The following RANBP17 variants were observed in gnomAD, a reference collection of about 807,000 sequenced individuals.
The protein encoded by RANBP17 is RAN binding protein 17.
RANBP17 carries 158 observed loss-of-function variants against 141.2 expected under a neutral mutation model. The observed-to-expected ratio is 1.12, with a 90% confidence interval of 0.98 to 1.28. The LOEUF is 1.28. RANBP17 is among the 50% of genes most tolerant of loss of function. The pLI, the probability that RANBP17 is intolerant of heterozygous loss-of-function variation, is 0.00. For missense variants in RANBP17, 1,438 were observed against 1,290.7 expected, an observed-to-expected ratio of 1.11 and a Z score of -1.75; for synonymous variants, 430 against 450.0, an observed-to-expected ratio of 0.96 and a Z score of 0.56.
Position 171,265,822 on chromosome 5 carries a change from A to G in RANBP17, c.2918A>G (p.Gln973Arg). ...QAGQRLLHFM[Q>R]QNPDVLQQMM... The stretch of plus-strand genomic sequence containing the variant: ...GGTCAGAGACTATTACATTTTATGC[A>G]GCAAAACCCAGATGTCCTGCAGCAG... Residue 973 changes from glutamine to arginine, a missense_variant, in exon 25 of 28, where the codon CAG becomes CGG. Coordinates refer to ENST00000523189, the MANE Select transcript of RANBP17 (RefSeq NM_022897.5). 1 of 1,613,654 alleles carries G rather than the reference A, an allele frequency of 6.2e-7. No homozygotes were observed. The highest frequency in any genetic ancestry group is 8.5e-7 in the Non-Finnish European group (1 of 1,179,832).
intron 14 of RANBP17, among the ~76,000 whole-genome samples, chr5:171,049,610 A>G (rs1782823563): frequency 6.6e-6 from 1 of 152,182 alleles, no homozygotes; most frequent in Admixed American, 6.5e-5. Flanking sequence ...TAGGTTTTAC[A>G]TTTAAGCTTT....
intron 1 of RANBP17, among the ~76,000 whole-genome samples, chr5:170,872,159 TG>T (rs1458476319): frequency 6.6e-6 from 1 of 152,240 alleles, no homozygotes. Context: ...GAGGATGGAA[TG>T]TTTTTCCATT....
chr5:171,031,440 C>G (rs906512350), intron 14 of RANBP17, among the ~76,000 whole-genome samples: 5 of 152,116 alleles, frequency 3.3e-5, no homozygotes, highest in East Asian at 3.9e-4. Context: ...CCACCACAAG[C>G]TTTACCTGTT....
intron 24 of RANBP17, among the ~76,000 whole-genome samples, chr5:171,251,034 C>T (rs542243111): frequency 2.6e-5 from 4 of 152,258 alleles, no homozygotes; most frequent in Admixed American, 2.0e-4. Flanking sequence ...TTCTTTTCAT[C>T]GGAACATGGA....
At chr5:171,100,928 C>T (rs2127742849) in intron 14 of RANBP17, among the ~76,000 whole-genome samples, 1 of 152,262 alleles carries the variant, frequency 6.6e-6, no homozygotes, top group East Asian at 1.9e-4. Flanking sequence ...GTTTCTTAAT[C>T]CTGAGTTTTA....
chr5:171,099,084 A>C (rs1786924154), intron 14 of RANBP17, among the ~76,000 whole-genome samples: 1 of 151,974 alleles, frequency 6.6e-6, no homozygotes, highest in Non-Finnish European at 1.5e-5. Context: ...TAGGATTGTC[A>C]TGGCTATACG....
chr5:171,173,705 C>T (rs552877191), intron 16 of RANBP17, among the ~76,000 whole-genome samples: 26 of 152,196 alleles, frequency 1.7e-4, no homozygotes, highest in African/African-American at 6.3e-4. Context: ...TAGTGAGCAT[C>T]GGAATGTGAG....
At chr5:171,132,505 T>C (rs1396921808) in intron 14 of RANBP17, among the ~76,000 whole-genome samples, 1 of 151,880 alleles carries the variant, frequency 6.6e-6, no homozygotes, top group Non-Finnish European at 1.5e-5. Flanking sequence ...GGAGGATCAC[T>C]CAAGCCCAGG....
At chr5:171,173,301 A>G (rs1473605588) in intron 16 of RANBP17, among the ~76,000 whole-genome samples, 1 of 152,026 alleles carries the variant, frequency 6.6e-6, no homozygotes, top group African/African-American at 2.4e-5. Flanking sequence ...CATTATTTCT[A>G]TATTAGGAAT....
At chr5:171,087,357 A>G (rs1364268423) in intron 14 of RANBP17, among the ~76,000 whole-genome samples, 1 of 151,952 alleles carries the variant, frequency 6.6e-6, no homozygotes, top group African/African-American at 2.4e-5. Flanking sequence ...GTTCTTTTAC[A>G]TTTGCTGAGG....
intron 16 of RANBP17, among the ~76,000 whole-genome samples, chr5:171,180,369 A>G (rs1301842094): frequency 3.3e-5 from 5 of 152,204 alleles, no homozygotes; most frequent in African/African-American, 9.6e-5. Flanking sequence ...GACATGTTCC[A>G]TGTGTGACAT....
At chr5:171,285,882 A>C (rs1278184596) in intron 25 of RANBP17, among the ~76,000 whole-genome samples, 1 of 152,374 alleles carries the variant, frequency 6.6e-6, no homozygotes, top group South Asian at 2.1e-4. Flanking sequence ...TAGACACATT[A>C]CATGCAGTAC....
At chr5:171,221,473 C>T (rs1203726093) in intron 21 of RANBP17, among the ~76,000 whole-genome samples, 3 of 152,006 alleles carry the variant, frequency 2.0e-5, no homozygotes, top group Non-Finnish European at 2.9e-5. Context: ...AAAGAAGGGG[C>T]AAGAAATCTG....
rs533620330 is a variant in RANBP17 at position 170,931,998 on chromosome 5, A to G, written c.1468+7448A>G. On this transcript the variant is annotated intron_variant, in intron 12 of 27. Coordinates refer to ENST00000523189, the MANE Select transcript of RANBP17 (RefSeq NM_022897.5). ...ATTGAATCTATAAATTACCTTGGGC[A>G]GTATGGCCATTTTCATGATATTGAT... 4.7e-3 allele frequency among the ~76,000 whole-genome samples: 720 copies of G among 152,302 alleles called. 4 individuals carry two copies. The highest frequency in any genetic ancestry group is 0.017 in the African/African-American group (698 of 41,554).
At chr5:171,246,435 C>T (rs1765222373) in intron 24 of RANBP17, among the ~76,000 whole-genome samples, 1 of 152,126 alleles carries the variant, frequency 6.6e-6, no homozygotes, top group Admixed American at 6.5e-5. Context: ...TGTTTTCCTC[C>T]TCTCTGGTTT....
chr5:170,899,852 C>A (rs539409237), intron 5 of RANBP17, among the ~76,000 whole-genome samples: 2 of 152,162 alleles, frequency 1.3e-5, no homozygotes, highest in Non-Finnish European at 2.9e-5. Flanking sequence ...AGGTTTGCAT[C>A]CCAGAGATAA....
At chr5:170,926,283 T>C (rs1318573524) in intron 12 of RANBP17, among the ~76,000 whole-genome samples, 1 of 152,202 alleles carries the variant, frequency 6.6e-6, no homozygotes, top group African/African-American at 2.4e-5. Context: ...TTATAGGCTG[T>C]AGTTTGCTGA....
intron 4 of RANBP17, among the ~76,000 whole-genome samples, chr5:170,893,520 G>T (rs1017238081): frequency 6.6e-6 from 1 of 152,148 alleles, no homozygotes; most frequent in African/African-American, 2.4e-5. Flanking sequence ...TGGACTGGGC[G>T]TGGTGGCTCA....
chr5:171,067,215 C>T (rs1201978308), intron 14 of RANBP17, among the ~76,000 whole-genome samples: 1 of 152,038 alleles, frequency 6.6e-6, no homozygotes, highest in Non-Finnish European at 1.5e-5. Context: ...TTACACTAAA[C>T]ATCCTGAATT....
Sources: gnomAD v4.1 joint callset for allele counts (sites outside exome capture counted in the v4.1 genomes callset) on GRCh38, gnomAD v4.1.1 for gene constraint, MANE v1.5 for transcripts, NCBI Gene and HGNC (gene_info 2026-07-23, HGNC 2026-07-21) for gene names.